MTHFD2L: variants seen among roughly 807,000 people sequenced by gnomAD.
MTHFD2L encodes the protein methylenetetrahydrofolate dehydrogenase (NADP+ dependent) 2 like.
A neutral mutation model predicts 34.9 loss-of-function variants in MTHFD2L; 29 were observed. That is an observed-to-expected ratio of 0.83 (90% confidence interval 0.62 to 1.13). MTHFD2L has a LOEUF of 1.13. MTHFD2L is among the 50% of genes most tolerant of loss of function. MTHFD2L has a pLI of 0.00. For synonymous variants in MTHFD2L, 167 were observed against 155.7 expected (o/e 1.07, Z -0.54); for missense variants, 481 against 446.5 (o/e 1.08, Z -0.70).
chr4:74,210,905 C>G (rs1387582568), intron 5 of MTHFD2L, among the ~76,000 whole-genome samples: 1 of 152,058 alleles, frequency 6.6e-6, no homozygotes. Flanking sequence ...TCCTTCATAT[C>G]CCTTTAAGTT....
chr4:74,248,166 C>T (rs141587730), intron 6 of MTHFD2L, among the ~76,000 whole-genome samples: 95,948 of 150,224 alleles, frequency 0.64, 33,265 homozygotes, highest in Middle Eastern at 0.78. Context: ...GAGCCTGTTA[C>T]TGGTCTATTC....
chr4:74,159,354 C>CA (rs924814741), intron 1 of MTHFD2L, among the ~76,000 whole-genome samples: 3 of 152,154 alleles, frequency 2.0e-5, no homozygotes, highest in Non-Finnish European at 2.9e-5. Flanking sequence ...TTGGAACTAC[C>CA]AGCTAGATCT....
chr4:74,271,909 G>A (rs1300407104), intron 6 of MTHFD2L, among the ~76,000 whole-genome samples: 1 of 152,094 alleles, frequency 6.6e-6, no homozygotes, highest in Non-Finnish European at 1.5e-5. Context: ...TGGATTCCTA[G>A]GTATTTTATT....
chr4:74,261,084 G>T (rs1376476794), intron 6 of MTHFD2L, among the ~76,000 whole-genome samples: 2 of 151,818 alleles, frequency 1.3e-5, no homozygotes, highest in Non-Finnish European at 2.9e-5. Context: ...GTGGGACAAA[G>T]ATAACAACTA....
At chr4:74,259,040 A>G (rs1744370186) in intron 6 of MTHFD2L, among the ~76,000 whole-genome samples, 1 of 152,206 alleles carries the variant, frequency 6.6e-6, no homozygotes, top group African/African-American at 2.4e-5. Context: ...GAGAAATGCA[A>G]GTCTGTGGCA....
chr4:74,205,545 G>A (rs1578460309), intron 5 of MTHFD2L, among the ~76,000 whole-genome samples: 1 of 152,210 alleles, frequency 6.6e-6, no homozygotes. Flanking sequence ...CTAGCTTTTA[G>A]TTTTGTTATT....
At chr4:74,288,954 C>T (rs1748536163) in intron 7 of MTHFD2L, among the ~76,000 whole-genome samples, 1 of 152,124 alleles carries the variant, frequency 6.6e-6, no homozygotes, top group South Asian at 2.1e-4. Flanking sequence ...GGCTTATTTT[C>T]AGTCTCTTGA....
intron 3 of MTHFD2L, among the ~76,000 whole-genome samples, chr4:74,192,477 T>G (rs1732724184): frequency 6.6e-6 from 1 of 152,200 alleles, no homozygotes; most frequent in Admixed American, 6.5e-5. Context: ...TATACATCAT[T>G]AAGGTTCATT....
intron 5 of MTHFD2L, among the ~76,000 whole-genome samples, chr4:74,224,781 T>G (rs1304108632): frequency 2.0e-5 from 3 of 152,156 alleles, no homozygotes; most frequent in Non-Finnish European, 4.4e-5. Flanking sequence ...GAATGCCTTT[T>G]TCTTCCTTAC....
At chr4:74,258,066 G>GA (rs369900298) in intron 6 of MTHFD2L, among the ~76,000 whole-genome samples, 56 of 147,096 alleles carry the variant, frequency 3.8e-4, no homozygotes, top group Middle Eastern at 3.4e-3. Flanking sequence ...GGCTATGCTG[G>GA]AAAAAAAAAA....
intron 5 of MTHFD2L, among the ~76,000 whole-genome samples, chr4:74,209,227 T>C (rs1485012518): frequency 1.3e-5 from 2 of 152,184 alleles, no homozygotes; most frequent in African/African-American, 4.8e-5. Context: ...AGTTCTGGGA[T>C]ACATGTGCAG....
At chr4:74,221,079 T>G (rs1738096290) in intron 5 of MTHFD2L, among the ~76,000 whole-genome samples, 1 of 151,226 alleles carries the variant, frequency 6.6e-6, no homozygotes, top group African/African-American at 2.4e-5. Flanking sequence ...TTTAAAAGAA[T>G]TTTTAAAAAC....
chr4:74,182,796 T>G (rs1490070639), intron 3 of MTHFD2L: 1 of 152,176 alleles, frequency 6.6e-6, no homozygotes, highest in Non-Finnish European at 1.5e-5. Context: ...ACTTCCAGAC[T>G]GAGATGGTTA....
upstream of MTHFD2L, among the ~76,000 whole-genome samples, chr4:74,121,625 T>C (rs1721764871): frequency 1.4e-5 from 2 of 145,528 alleles, no homozygotes; most frequent in South Asian, 4.2e-4. Flanking sequence ...TATATATAAT[T>C]AATTATTTAA....
intron 6 of MTHFD2L, among the ~76,000 whole-genome samples, chr4:74,234,772 GTCTA>G (rs976129433): frequency 6.6e-6 from 1 of 150,956 alleles, no homozygotes; most frequent in Non-Finnish European, 1.5e-5. Flanking sequence ...ATATGTACAT[GTCTA>G]TCTGTTTAGA....
intron 6 of MTHFD2L, among the ~76,000 whole-genome samples, chr4:74,263,839 A>T (rs1283559547): frequency 6.6e-6 from 1 of 151,932 alleles, no homozygotes; most frequent in Non-Finnish European, 1.5e-5. Flanking sequence ...AATTCAGTAT[A>T]TTAAAAGGGC....
intron 6 of MTHFD2L, among the ~76,000 whole-genome samples, chr4:74,264,263 T>C (rs1035475614): frequency 6.6e-6 from 1 of 152,094 alleles, no homozygotes; most frequent in Non-Finnish European, 1.5e-5. Context: ...GAAGTAAAAC[T>C]GTCTTTGTTT....
At chr4:74,223,479 G>T (rs1738594810) in intron 5 of MTHFD2L, among the ~76,000 whole-genome samples, 2 of 152,084 alleles carry the variant, frequency 1.3e-5, no homozygotes, top group Admixed American at 1.3e-4. Context: ...GGTGGAGGTT[G>T]GGAGGAGGGA....
At chr4:74,128,799 G>T (rs1221500419) in intron 1 of MTHFD2L, among the ~76,000 whole-genome samples, 3 of 151,952 alleles carry the variant, frequency 2.0e-5, no homozygotes, top group Admixed American at 6.6e-5. Flanking sequence ...TCTCTAAATT[G>T]CTTGTCATTC....
Sources: gnomAD v4.1 joint callset for allele counts (sites outside exome capture counted in the v4.1 genomes callset) on GRCh38, gnomAD v4.1.1 for gene constraint, MANE v1.5 for transcripts, NCBI Gene and HGNC (gene_info 2026-07-23, HGNC 2026-07-21) for gene names.